AGBL1: variants seen among roughly 807,000 people sequenced by gnomAD.
AGBL1 encodes AGBL carboxypeptidase 1, also known as cytosolic carboxypeptidase 4.
A neutral mutation model predicts 118.9 loss-of-function variants in AGBL1; 130 were observed. The ratio of observed to expected loss-of-function variants is 1.09; its 90% confidence interval spans 0.95 to 1.26. AGBL1 has a LOEUF of 1.26. Ranked by LOEUF, AGBL1 falls within the 50% of genes most tolerant of loss-of-function variation. The probability of loss-of-function intolerance (pLI) is 0.00; values close to 1 mark genes in which losing one functional copy is unlikely to be tolerated. For synonymous variants in AGBL1, 555 were observed against 478.9 expected, an observed-to-expected ratio of 1.16 and a Z score of -2.08; for missense variants, 1,584 against 1,298.1, an observed-to-expected ratio of 1.22 and a Z score of -3.38.
chr15:86,668,188 G>A (rs538639313), intron 21 of AGBL1, among the ~76,000 whole-genome samples: 1 of 152,086 alleles, frequency 6.6e-6, no homozygotes, highest in African/African-American at 2.4e-5. Context: ...TCCAACATTG[G>A]GGATCACATT....
At chr15:86,188,806 C>T (rs988204384) in intron 5 of AGBL1, among the ~76,000 whole-genome samples, 2 of 152,070 alleles carry the variant, frequency 1.3e-5, no homozygotes, top group African/African-American at 4.8e-5. Context: ...CTTTGGCCTG[C>T]AGTAAACTAT....
chr15:86,393,501 G>T (rs541310425), intron 17 of AGBL1, among the ~76,000 whole-genome samples: 2 of 152,288 alleles, frequency 1.3e-5, no homozygotes, highest in South Asian at 4.1e-4. Flanking sequence ...CCGAAAATAG[G>T]ATACTGGTTG....
intron 5 of AGBL1, among the ~76,000 whole-genome samples, chr15:86,159,862 A>T (rs1031923237): frequency 2.0e-5 from 3 of 152,074 alleles, no homozygotes; most frequent in African/African-American, 7.2e-5. Flanking sequence ...GGGTCACTAC[A>T]GTTATGCCAT....
chr15:86,099,979 G>A (rs1023459694), intron 1 of AGBL1, among the ~76,000 whole-genome samples: 1 of 152,016 alleles, frequency 6.6e-6, no homozygotes, highest in African/African-American at 2.4e-5. Context: ...CTGATATATG[G>A]CTTTTATTAA....
intron 22 of AGBL1, among the ~76,000 whole-genome samples, chr15:86,815,040 G>A (rs2141374785): frequency 6.6e-6 from 1 of 151,772 alleles, no homozygotes; most frequent in East Asian, 1.9e-4. Flanking sequence ...TTTTAATATG[G>A]CAGTTGACCA....
At chr15:86,561,424 C>G (rs2083818356) in intron 21 of AGBL1, among the ~76,000 whole-genome samples, 1 of 152,106 alleles carries the variant, frequency 6.6e-6, no homozygotes. Flanking sequence ...AATCTTTTCC[C>G]CATTGCTTTT....
intron 21 of AGBL1, among the ~76,000 whole-genome samples, 159 bp from the exon 22 acceptor site, chr15:86,674,114 T>C (rs954003892): frequency 2.6e-5 from 4 of 152,142 alleles, no homozygotes; most frequent in Non-Finnish European, 5.9e-5. Flanking sequence ...CACTCCACAA[T>C]GCACACAACA....
intron 22 of AGBL1, among the ~76,000 whole-genome samples, chr15:86,815,883 G>C (rs578048675): frequency 3.3e-4 from 51 of 152,260 alleles, no homozygotes; most frequent in African/African-American, 1.2e-3. Context: ...TATAGCAAAG[G>C]AGATTTTCAT....
At chr15:86,548,125 CAG>C (rs766759918) in intron 20 of AGBL1, among the ~76,000 whole-genome samples, 27 of 152,208 alleles carry the variant, frequency 1.8e-4, no homozygotes, top group Non-Finnish European at 3.1e-4. Context: ...AATTGAGACT[CAG>C]GGGAGAATGT....
intron 2 of AGBL1, 87 bp from the exon 3 acceptor site, chr15:86,143,612 C>G (rs150169893): frequency 1.4e-6 from 2 of 1,480,072 alleles, no homozygotes; most frequent in Admixed American, 4.1e-5. Context: ...AATTCTTGCT[C>G]TGTCTCTAGT....
At chr15:86,313,049 T>C (rs548741064) in intron 17 of AGBL1, among the ~76,000 whole-genome samples, 1 of 152,316 alleles carries the variant, frequency 6.6e-6, no homozygotes, top group Admixed American at 6.5e-5. Flanking sequence ...TTCTGGAAGG[T>C]GCTGTTGGAA....
At chr15:86,356,109 T>C (rs929296588) in intron 17 of AGBL1, among the ~76,000 whole-genome samples, 2 of 152,002 alleles carry the variant, frequency 1.3e-5, no homozygotes, top group African/African-American at 4.8e-5. Flanking sequence ...TAATTTATGG[T>C]AAGCAAGAGC....
intron 21 of AGBL1, among the ~76,000 whole-genome samples, chr15:86,604,410 G>A (rs2084542190): frequency 6.6e-6 from 1 of 152,156 alleles, no homozygotes; most frequent in Admixed American, 6.5e-5. Context: ...TCGAGGTTAT[G>A]GGACTTGGCC....
chr15:86,218,511 A>G (rs1482905984), intron 5 of AGBL1, among the ~76,000 whole-genome samples: 1 of 152,112 alleles, frequency 6.6e-6, no homozygotes, highest in Non-Finnish European at 1.5e-5. Flanking sequence ...GCCTTTGAGG[A>G]TGGGAAAGAG....
At chr15:86,208,897 AT>A (rs1347944428) in intron 5 of AGBL1, among the ~76,000 whole-genome samples, 1 of 151,888 alleles carries the variant, frequency 6.6e-6, no homozygotes, top group Non-Finnish European at 1.5e-5. Flanking sequence ...ACTTCTTTTA[AT>A]TGTGATGTTA....
In AGBL1 at chr15:86,910,069, T is replaced by G. The variant is rs992525103; in HGVS notation, c.*2775T>G. 6.6e-6 allele frequency: 1 copy of G among 152,216 alleles called. No individual in the cohort carries two copies. The highest frequency in any genetic ancestry group is 2.4e-5 in the African/African-American group (1 of 41,456). 9.4% of individuals were successfully genotyped at this position (152,216 alleles called of 1,614,324 possible). A position where few individuals can be genotyped will look rare whatever the true frequency, so the allele number is the denominator to read the frequency against. On this transcript the variant is annotated 3_prime_UTR_variant, in exon 23 of 23. Transcript: ENST00000614907. The stretch of plus-strand genomic sequence containing the variant: ...AAGAAGAACAATAAACATTCTAAGT[T>G]AATGCAGTATGGCCCATGCCATTAT...
intron 17 of AGBL1, among the ~76,000 whole-genome samples, chr15:86,315,855 G>T (rs1003396385): frequency 6.6e-6 from 1 of 152,118 alleles, no homozygotes; most frequent in African/African-American, 2.4e-5. Flanking sequence ...AGTGGCACTG[G>T]TCAAAGGGAA....
chr15:86,429,849 A>T (rs2081913324), intron 18 of AGBL1, among the ~76,000 whole-genome samples: 1 of 152,240 alleles, frequency 6.6e-6, no homozygotes, highest in Non-Finnish European at 1.5e-5. Flanking sequence ...TTCGTAGTTG[A>T]AACAAATAAC....
At chr15:86,552,584 T>C (rs1166143346) in intron 20 of AGBL1, among the ~76,000 whole-genome samples, 1 of 152,250 alleles carries the variant, frequency 6.6e-6, no homozygotes, top group African/African-American at 2.4e-5. Context: ...GTAACCTCTA[T>C]GAGCAACATA....
Sources: allele counts gnomAD v4.1 joint callset (sites outside exome capture counted in the v4.1 genomes callset), GRCh38; gene constraint gnomAD v4.1.1; transcripts MANE v1.5; gene names NCBI Gene and HGNC (gene_info 2026-07-23, HGNC 2026-07-21).